ABCC10: variants seen among roughly 807,000 people sequenced by gnomAD.
ABCC10 encodes ATP-binding cassette sub-family C member 10.
A neutral mutation model predicts 143.2 loss-of-function variants in ABCC10; 110 were observed. The observed-to-expected ratio is 0.77, with a 90% CI of 0.66 to 0.90. The LOEUF is 0.90. ABCC10 is among the 40% of genes least tolerant of loss of function. ABCC10 has a pLI of 0.00. For missense variants in ABCC10, 1,700 were observed against 1,900.5 expected (o/e 0.89, Z 1.96); for synonymous variants, 805 against 846.7 (o/e 0.95, Z 0.85).
Position 43,442,962 on chromosome 6 carries a change from C to T in ABCC10, c.2227-8C>T, listed in dbSNP as rs749051099. 3 of 1,571,056 alleles carry T rather than the reference C, an allele frequency of 1.9e-6. No homozygotes were observed. The highest frequency in any genetic ancestry group is 2.6e-6 in the Non-Finnish European group (3 of 1,158,334). ...CCTGGTGCCCACGGTACCCTCACGTCTCCATAGGAAAAGGAGCTCTATCTC... is the reference window on the plus strand; with the variant it reads ...CCTGGTGCCCACGGTACCCTCACGTTTCCATAGGAAAAGGAGCTCTATCTC... On this transcript the variant is annotated splice_polypyrimidine_tract_variant and splice_region_variant and intron_variant, in intron 9 of 21. Transcript: ENST00000372530.
rs115374453 is a variant in ABCC10 at position 43,436,529 on chromosome 6, G to A, written c.1875+282G>A. Among the ~76,000 whole-genome samples, 991 of 152,260 alleles carry A rather than the reference G, an allele frequency of 6.5e-3. 11 individuals are homozygous for A. Among genetic ancestry groups the A allele is most frequent in the African/African-American group, 0.022 (913 of 41,540 alleles). Reference sequence around the variant, plus strand: ...CTCTCCATGTCCCTCAGAAGCTGCAGCATTCAGAACAGGCCCTGGGGTTTA... The same window carrying A: ...CTCTCCATGTCCCTCAGAAGCTGCAACATTCAGAACAGGCCCTGGGGTTTA... On this transcript the variant is annotated intron_variant, in intron 6 of 21. Transcript: ENST00000372530.
intron 2 of ABCC10, among the ~76,000 whole-genome samples, chr6:43,428,792 G>A (rs571034805): frequency 5.3e-5 from 8 of 152,180 alleles, no homozygotes; most frequent in Admixed American, 2.6e-4. Context: ...GCCTTTGGGA[G>A]TTCCTAGTCT....
At position 43,433,002 on chromosome 6, in the gene ABCC10, A is replaced by G; in HGVS notation, c.1022A>G (p.Gln341Arg). 1 of 1,614,188 alleles carries G rather than the reference A, an allele frequency of 6.2e-7. No individual in the cohort carries two copies. The highest frequency in any genetic ancestry group is 8.5e-7 in the Non-Finnish European group (1 of 1,180,020). ...GGGGCTGTGCTGGGTGCTGTGCTGCAGAATCAGTATGGGTATGAGGTATAT... is the reference window on the plus strand; with the variant it reads ...GGGGCTGTGCTGGGTGCTGTGCTGCGGAATCAGTATGGGTATGAGGTATAT... ...AGGAVLGAVL[Q>R]NQYGYEVYKV... The change falls in exon 3 of 22, where the codon CAG becomes CGG. Residue 341 changes from glutamine (Q) to arginine (R), a missense_variant. Gln to Arg is a conservative substitution (Grantham distance 43). Coordinates refer to ENST00000372530, the MANE Select transcript of ABCC10 (RefSeq NM_001198934.2).
Position 43,445,788 on chromosome 6 carries a change from T to C in ABCC10, c.3220T>C (p.Leu1074=), listed in dbSNP as rs1368058801. The C allele has an allele frequency of 1.9e-6, 3 of 1,614,102 alleles. No homozygotes were observed. The highest frequency in any genetic ancestry group is 1.7e-6 in the Non-Finnish European group (2 of 1,180,034). ...LPWLLLLLPP[L]SIMYYHVQRH... ...CTGGCTGCTGCTCCTGCTGCCGCCT[T>C]TGAGCATCATGTACTATCACGTGCA... The change falls in exon 15 of 22, where the codon TTG becomes CTG. Residue 1074 remains leucine, a synonymous_variant. Transcript: ENST00000372530.
At position 43,434,615 on chromosome 6, in the gene ABCC10, C is replaced by A. The variant is rs1781489544; in HGVS notation, c.1381-6C>A. 6.2e-7 allele frequency: 1 copy of A among 1,611,520 alleles called. No homozygotes were observed. The highest frequency in any genetic ancestry group is 8.5e-7 in the Non-Finnish European group (1 of 1,178,304). The stretch of plus-strand genomic sequence containing the variant: ...TTCACGCCTCTCCCTTGTCTCCTTT[C>A]CCTAGCTTGTGACAGAGCTGCTGAG... On this transcript the variant is annotated splice_polypyrimidine_tract_variant and splice_region_variant and intron_variant, in intron 3 of 21. Coordinates refer to ENST00000372530, the MANE Select transcript of ABCC10 (RefSeq NM_001198934.2).
chr6:43,438,474 A>T (rs1305889191), intron 7 of ABCC10, 150 bp from the exon 8 acceptor site: 1 of 1,440,198 alleles, frequency 6.9e-7, no homozygotes, highest in Non-Finnish European at 9.1e-7. Flanking sequence ...GGACCCCTTG[A>T]CCTCAGGAGC....
chr6:43,433,173 T>C lies in ABCC10; in HGVS notation c.1193T>C (p.Phe398Ser). The C allele has an allele frequency of 6.2e-7, 1 of 1,614,072 alleles. No individual in the cohort carries two copies. Among genetic ancestry groups the C allele is most frequent in the South Asian group, 1.1e-5 (1 of 91,084 alleles). Residue 398 changes from phenylalanine (F) to serine (S), a missense_variant, in exon 3 of 22, where the codon TTC becomes TCC. Transcript: ENST00000372530. ...SERLLNFAGSFHEAWGLPLQL... is the reference protein window; with the variant it reads ...SERLLNFAGSSHEAWGLPLQL... ...CGGCTGCTTAACTTTGCTGGGAGCTTCCATGAAGCCTGGGGCCTGCCCCTG... is the reference window on the plus strand; with the variant it reads ...CGGCTGCTTAACTTTGCTGGGAGCTCCCATGAAGCCTGGGGCCTGCCCCTG...
In ABCC10 at chr6:43,445,113, C is replaced by T; in HGVS notation, c.2841-12C>T. On this transcript the variant is annotated splice_polypyrimidine_tract_variant and intron_variant, in intron 13 of 21. Coordinates refer to ENST00000372530, the MANE Select transcript of ABCC10 (RefSeq NM_001198934.2). Reference sequence around the variant, plus strand: ...AGTTTTGGTTACCGACAGCCCCCTCCTCACCACCCAGCATCCCAGTGTTCC... The same window carrying T: ...AGTTTTGGTTACCGACAGCCCCCTCTTCACCACCCAGCATCCCAGTGTTCC... The T allele has an allele frequency of 6.2e-7, 1 of 1,613,436 alleles. No homozygotes were observed. Among genetic ancestry groups the T allele is most frequent in the Non-Finnish European group, 8.5e-7 (1 of 1,179,518 alleles).
chr6:43,440,352 C>T (rs1375890046), intron 8 of ABCC10, among the ~76,000 whole-genome samples: 6 of 152,202 alleles, frequency 3.9e-5, no homozygotes, highest in Non-Finnish European at 7.3e-5. Flanking sequence ...CCCTTCCTCA[C>T]GCAGAGGAAG....
At chr6:43,451,034 G>T, downstream of ABCC10, 4 of 1,614,240 alleles carry the variant, frequency 2.5e-6, no homozygotes, top group Non-Finnish European at 3.4e-6. The surrounding 1 kb of genome is among the most constrained non-coding windows in gnomAD (Gnocchi z 4.4). Context: ...TCTGGCATGG[G>T]CGGCTGGCAC....
downstream of ABCC10, among the ~76,000 whole-genome samples, chr6:43,451,630 G>T (rs114159670): frequency 0.035 from 5,290 of 152,190 alleles, 130 homozygotes; most frequent in Non-Finnish European, 0.05. This position sits in a 1 kb window ranked among gnomAD's most constrained non-coding sequence, Gnocchi z 4.4. Flanking sequence ...GCAAGCCAGC[G>T]TTCAGGAGAG....
chr6:43,433,499 GT>G lies in ABCC10; in HGVS notation c.1380+141del, dbSNP rs528683191. The G allele has an allele frequency of 2.8e-3, 3,955 of 1,404,330 alleles. 7 individuals are homozygous for G. Among genetic ancestry groups the G allele is most frequent in the Non-Finnish European group, 3.3e-3 (3,541 of 1,072,910 alleles). 87.0% of individuals were successfully genotyped at this position (1,404,330 alleles called of 1,614,324 possible). ...TGAGACTGGAGAAAGGTAGACCTGG[GT>G]TCAAATCCTGGCTCTACACTTACTG... On this transcript the variant is annotated intron_variant, in intron 3 of 21. Transcript: ENST00000372530.
In ABCC10 at chr6:43,432,671, C is replaced by G. The variant is rs139742302; in HGVS notation, c.691C>G (p.Pro231Ala). 3.5e-5 allele frequency: 57 copies of G among 1,613,900 alleles called. No individual in the cohort carries two copies. The highest frequency in any genetic ancestry group is 4.8e-5 in the Non-Finnish European group (57 of 1,180,034). ...ACGCTTTTCCTATGCCTGGCTGGCA[C>G]CCTTGCTGGCCCGTGGGGCCTGTGG... Reference protein sequence around the residue: ...LSRFSYAWLAPLLARGACGEL... With the variant: ...LSRFSYAWLAALLARGACGEL... The change falls in exon 3 of 22, where the codon CCC becomes GCC. Residue 231 changes from proline (P) to alanine (A), a missense_variant. Transcript: ENST00000372530.
In ABCC10 at chr6:43,428,115, G is replaced by A; in HGVS notation, c.137G>A (p.Ser46Asn). ...CCCCACGCGCTCCTCGCCGTGCTCA[G>A]TGCCTGTTACTTGGGCACCCCGAGG... Reference protein sequence around the residue: ...ALPHALLAVLSACYLGTPRSP... With the variant: ...ALPHALLAVLNACYLGTPRSP... The change falls in exon 2 of 22, where the codon AGT (serine) becomes AAT (asparagine). Residue 46 changes from serine to asparagine, a missense_variant. By Grantham distance (46) the Ser-to-Asn change is conservative. Coordinates refer to ENST00000372530, the MANE Select transcript of ABCC10 (RefSeq NM_001198934.2). The A allele has an allele frequency of 6.5e-7, 1 of 1,544,776 alleles. No individual in the cohort carries two copies. Among genetic ancestry groups the A allele is most frequent in the Non-Finnish European group, 8.7e-7 (1 of 1,146,628 alleles).
intron 21 of ABCC10, 146 bp downstream of exon 21, chr6:43,449,680 G>T (rs924237676): frequency 5.0e-6 from 4 of 794,068 alleles, no homozygotes; most frequent in East Asian, 2.7e-5. Context: ...GGACGAGAAG[G>T]GTCCTTTATA....
In ABCC10 at chr6:43,445,155, C is replaced by T; in HGVS notation, c.2871C>T (p.Ala957=). The change falls in exon 14 of 22, where the codon GCC becomes GCT. Residue 957 remains alanine, a synonymous_variant. Transcript: ENST00000372530. The part of the protein sequence containing the change: ...YIPVFPLPKA[A]PNGSSDIRFY... ...CAGTGTTCCCACTGCCCAAAGCTGCCCCCAATGGCTCCTCAGACATCCGTT... is the reference window on the plus strand; with the variant it reads ...CAGTGTTCCCACTGCCCAAAGCTGCTCCCAATGGCTCCTCAGACATCCGTT... The T allele has an allele frequency of 6.2e-7, 1 of 1,614,084 alleles. No homozygotes were observed. The highest frequency in any genetic ancestry group is 8.5e-7 in the Non-Finnish European group (1 of 1,179,956).
chr6:43,427,924 C>T, intron 1 of ABCC10, 44 bp from the exon 2 acceptor site: 3 of 1,604,774 alleles, frequency 1.9e-6, no homozygotes, highest in South Asian at 1.1e-5. Context: ...CAGGCAAAGC[C>T]GGCTGTTACC....
Position 43,443,009 on chromosome 6 carries a change from G to A in ABCC10, c.2266G>A (p.Val756Met), listed in dbSNP as rs1050704953. ...TCTCCTCGATGACCCTCTGGCCGCTGTGGATGCAGATGTGGCCAACCACCT... is the reference window on the plus strand; with the variant it reads ...TCTCCTCGATGACCCTCTGGCCGCTATGGATGCAGATGTGGCCAACCACCT... ...LYLLDDPLAA[V>M]DADVANHLLH... is the part of the protein sequence containing the mutation. Residue 756 changes from valine (V) to methionine (M), a missense_variant, in exon 10 of 22, where the codon GTG becomes ATG. Coordinates refer to ENST00000372530, the MANE Select transcript of ABCC10 (RefSeq NM_001198934.2). The surrounding 1 kb of genome is among the most constrained non-coding windows in gnomAD (Gnocchi z 4.2). 1 of 1,609,686 alleles carries A rather than the reference G, an allele frequency of 6.2e-7. No homozygotes were observed. The highest frequency in any genetic ancestry group is 8.5e-7 in the Non-Finnish European group (1 of 1,178,346).
At chr6:43,438,379 T>TC in intron 7 of ABCC10, 1 of 1,420,660 alleles carries the variant, frequency 7.0e-7, no homozygotes, top group Non-Finnish European at 9.2e-7. Context: ...TCCACTGAGC[T>TC]CCTGAACAGA....
Sources: allele counts gnomAD v4.1 joint callset (sites outside exome capture counted in the v4.1 genomes callset), GRCh38; gene constraint gnomAD v4.1.1; non-coding constraint Gnocchi (gnomAD v3.1); transcripts MANE v1.5; gene names NCBI Gene and HGNC (gene_info 2026-07-23, HGNC 2026-07-21).